TRIO: variants seen among roughly 807,000 people sequenced by gnomAD.
TRIO encodes the protein trio Rho guanine nucleotide exchange factor, also known as triple functional domain protein.
In TRIO, 58 loss-of-function variants were observed where a neutral mutation model predicts 351.9. That is an observed-to-expected ratio of 0.16 (90% confidence interval 0.13 to 0.21). The LOEUF is 0.21. TRIO is among the 10% of genes least tolerant of loss of function. The pLI, the probability that TRIO is intolerant of heterozygous loss-of-function variation, is 1.00. For missense variants in TRIO, 3,201 were observed against 4,027.8 expected (o/e 0.79, Z 5.56); for synonymous variants, 1,758 against 1,595.7 (o/e 1.10, Z -2.42).
In TRIO at chr5:14,389,254, T is replaced by G. The variant is rs375460940; in HGVS notation, c.3949-35T>G. The G allele has an allele frequency of 1.1e-4, 164 of 1,508,730 alleles. No individual in the cohort carries two copies. In the African/African-American group the frequency reaches 1.7e-3, roughly 16 times the overall value. The allele number at this position is 1,508,730 out of a possible 1,614,324, so 93.5% of individuals were successfully genotyped here. A position where few individuals can be genotyped will look rare whatever the true frequency, so the allele number is the denominator to read the frequency against. On this transcript the variant is annotated intron_variant, in intron 24 of 56. Transcript: ENST00000344204. ...AGCTGTTTCTTGAAAATATGGTGAT[T>G]ATTTTTGTCTAATCCCTGTTTCCCT... is the stretch of plus-strand genomic sequence containing the variant.
chr5:14,388,723 T>A (rs769909323), intron 24 of TRIO, 44 bp downstream of exon 24: 2 of 1,575,114 alleles, frequency 1.3e-6, no homozygotes, highest in South Asian at 2.3e-5. Context: ...TTATTTAGAT[T>A]GAGCATAAGC....
chr5:14,369,108 T>G (rs1445219284), intron 17 of TRIO, among the ~76,000 whole-genome samples: 3 of 152,182 alleles, frequency 2.0e-5, no homozygotes, highest in Non-Finnish European at 4.4e-5. Flanking sequence ...AGAAGACACC[T>G]CTCTTCTTGT....
At chr5:14,434,376 C>T (rs991388959) in intron 34 of TRIO, among the ~76,000 whole-genome samples, 3 of 151,930 alleles carry the variant, frequency 2.0e-5, no homozygotes, top group Non-Finnish European at 2.9e-5. Flanking sequence ...TTGTCTGATA[C>T]GTTTCTTTTT....
intron 18 of TRIO, 136 bp downstream of exon 18, chr5:14,369,659 C>T: frequency 8.9e-7 from 1 of 1,128,540 alleles, no homozygotes. Context: ...GGCAGTGTCG[C>T]ATCAGTGAGA....
At chr5:14,174,176 T>G (rs1355396935) in intron 1 of TRIO, among the ~76,000 whole-genome samples, 3 of 152,252 alleles carry the variant, frequency 2.0e-5, no homozygotes, top group African/African-American at 7.2e-5. Flanking sequence ...TTGCTGTGGT[T>G]GTTAACAGTC....
chr5:14,301,214 C>T (rs1408039819), intron 7 of TRIO, among the ~76,000 whole-genome samples: 1 of 152,038 alleles, frequency 6.6e-6, no homozygotes, highest in Non-Finnish European at 1.5e-5. Flanking sequence ...CTCTGCTTGC[C>T]TCTGTTTTGC....
chr5:14,291,938 T>A (rs1736954297), intron 5 of TRIO, among the ~76,000 whole-genome samples: 1 of 152,026 alleles, frequency 6.6e-6, no homozygotes, highest in Non-Finnish European at 1.5e-5. Flanking sequence ...TAGTTGGTAA[T>A]CACCTCTAGT....
At chr5:14,148,786 A>G (rs1787660969) in intron 1 of TRIO, among the ~76,000 whole-genome samples, 1 of 152,180 alleles carries the variant, frequency 6.6e-6, no homozygotes, top group Non-Finnish European at 1.5e-5. Flanking sequence ...CAAACTGACA[A>G]GGGTGATGGT....
At chr5:14,282,277 A>G (rs533817296) in intron 3 of TRIO, among the ~76,000 whole-genome samples, 3 of 152,350 alleles carry the variant, frequency 2.0e-5, no homozygotes. Context: ...CTACTTACTA[A>G]GCTTTGACTA....
chr5:14,375,576 T>G (rs1048979818), intron 19 of TRIO, among the ~76,000 whole-genome samples: 11 of 152,210 alleles, frequency 7.2e-5, no homozygotes, highest in Non-Finnish European at 1.3e-4. Context: ...TTATTTATGC[T>G]CGAGTCAGTG....
chr5:14,468,473 G>C (rs928518698), intron 37 of TRIO, among the ~76,000 whole-genome samples: 12 of 152,226 alleles, frequency 7.9e-5, no homozygotes, highest in African/African-American at 2.9e-4. Flanking sequence ...AACCATGTTT[G>C]TACTTTATGT....
intron 8 of TRIO, among the ~76,000 whole-genome samples, chr5:14,305,281 C>T (rs1738262134): frequency 6.6e-6 from 1 of 152,218 alleles, no homozygotes; most frequent in African/African-American, 2.4e-5. Context: ...TGTGCCATAC[C>T]ACGTGGTAGC....
At chr5:14,454,354 C>T (rs1043007892) in intron 34 of TRIO, among the ~76,000 whole-genome samples, 1 of 152,196 alleles carries the variant, frequency 6.6e-6, no homozygotes, top group African/African-American at 2.4e-5. Context: ...GACAGCAAAG[C>T]AGTAACACAA....
intron 34 of TRIO, among the ~76,000 whole-genome samples, chr5:14,451,178 T>G (rs544929737): frequency 3.2e-4 from 49 of 152,352 alleles, no homozygotes; most frequent in African/African-American, 9.9e-4. Flanking sequence ...TAATTCAATA[T>G]GCATTGCCCA....
chr5:14,198,090 T>C (rs948692701), intron 1 of TRIO, among the ~76,000 whole-genome samples: 12 of 152,174 alleles, frequency 7.9e-5, no homozygotes, highest in African/African-American at 2.9e-4. Flanking sequence ...CTACCAACAA[T>C]ATGCATCATA....
At chr5:14,162,276 T>C (rs1218213724) in intron 1 of TRIO, among the ~76,000 whole-genome samples, 36 of 152,204 alleles carry the variant, frequency 2.4e-4, no homozygotes, top group Non-Finnish European at 4.4e-5. Context: ...GAAGGCACAA[T>C]TGGCCCTTCA....
At chr5:14,481,853 C>A in intron 45 of TRIO, 1 of 471,556 alleles carries the variant, frequency 2.1e-6, no homozygotes, top group Non-Finnish European at 3.7e-6. Flanking sequence ...TGTCTCATGG[C>A]AGAAACAAGC....
intron 8 of TRIO, among the ~76,000 whole-genome samples, chr5:14,310,614 G>A (rs181065412): frequency 6.6e-6 from 1 of 152,196 alleles, no homozygotes; most frequent in African/African-American, 2.4e-5. Context: ...GAGTCACCTG[G>A]ATAGGAAACT....
intron 18 of TRIO, among the ~76,000 whole-genome samples, chr5:14,372,224 T>C (rs1402265755): frequency 1.8e-5 from 1 of 55,632 alleles, no homozygotes. Context: ...GGGGGGGCGA[T>C]GGTGGGGGAA....
Sources: allele counts gnomAD v4.1 joint callset (sites outside exome capture counted in the v4.1 genomes callset), GRCh38; gene constraint gnomAD v4.1.1; transcripts MANE v1.5; gene names NCBI Gene and HGNC (gene_info 2026-07-23, HGNC 2026-07-21).